Variants in PCNX4 observed in about 807,000 individuals in gnomAD.
PCNX4 encodes pecanex 4.
In PCNX4, 103 loss-of-function variants were observed where a neutral mutation model predicts 107.2. The ratio of observed to expected loss-of-function variants is 0.96; its 90% confidence interval spans 0.82 to 1.13. PCNX4 has a LOEUF of 1.13. PCNX4 is among the 50% of genes most tolerant of loss of function. The pLI, the probability that PCNX4 is intolerant of heterozygous loss-of-function variation, is 0.00. For missense variants in PCNX4, 1,528 were observed against 1,379.4 expected (o/e 1.11, Z -1.71); for synonymous variants, 541 against 481.7 (o/e 1.12, Z -1.61).
Position 60,125,225 on chromosome 14 carries a change from G to A in PCNX4, c.3054G>A (p.Leu1018=). 3 of 1,586,608 alleles carry A rather than the reference G, an allele frequency of 1.9e-6. No homozygotes were observed. The highest frequency in any genetic ancestry group is 1.7e-6 in the Non-Finnish European group (2 of 1,168,868). Residue 1018 remains leucine (L), a synonymous_variant, in exon 9 of 11, where the codon CTG becomes CTA. Transcript: ENST00000406854. ...ALDWLTEKPE[L]FQLALKAFRY... ...ACTGGCTCACAGAAAAGCCAGAACTGTTTCAACTAGCACTGAAAGCATTCA... is the reference window on the plus strand; with the variant it reads ...ACTGGCTCACAGAAAAGCCAGAACTATTTCAACTAGCACTGAAAGCATTCA...
At chr14:60,097,515 A>G (rs1301016534) in intron 1 of PCNX4, among the ~76,000 whole-genome samples, 1 of 152,222 alleles carries the variant, frequency 6.6e-6, no homozygotes, top group Non-Finnish European at 1.5e-5. Flanking sequence ...TATTATCCTC[A>G]TAGCAGGAAT....
At chr14:60,133,581 A>G in intron 10 of PCNX4, 2 of 441,662 alleles carry the variant, frequency 4.5e-6, no homozygotes, top group Non-Finnish European at 8.9e-6. Flanking sequence ...AATGTGAATT[A>G]TATGGAATGT....
Position 60,143,440 on chromosome 14 carries a change from A to G in PCNX4, c.*9219A>G, listed in dbSNP as rs1431054401. The G allele has an allele frequency of 3.3e-5, 5 of 152,166 alleles. No individual in the cohort carries two copies. The highest frequency in any genetic ancestry group is 7.3e-5 in the Non-Finnish European group (5 of 68,048). The allele number at this position is 152,166 out of a possible 1,614,324, so 9.4% of individuals were successfully genotyped here. On this transcript the variant is annotated 3_prime_UTR_variant, in exon 11 of 11. Coordinates refer to ENST00000406854, the MANE Select transcript of PCNX4 (RefSeq NM_001330177.2). ...TCTCTTTATTATATTTTATCCCCAT[A>G]GTTCACCCCGTTTCCTCCCCATCCT...
In PCNX4 at chr14:60,136,240, T is replaced by C. The variant is rs1177315612; in HGVS notation, c.*2019T>C. On this transcript the variant is annotated 3_prime_UTR_variant, in exon 11 of 11. Transcript: ENST00000406854. ...CTTTTGAACTTTCCTGACACTACAT[T>C]ATCTTTGTTTTCTTCTTATCTTCCT... 6.6e-6 allele frequency: 1 copy of C among 152,198 alleles called. No homozygotes were observed. The highest frequency in any genetic ancestry group is 1.9e-4 in the East Asian group (1 of 5,198). The allele number at this position is 152,198 out of a possible 1,614,324, so 9.4% of individuals were successfully genotyped here.
At chr14:60,118,223 A>G (rs1895886851) in intron 6 of PCNX4, 106 bp from the exon 7 acceptor site, 2 of 1,320,088 alleles carry the variant, frequency 1.5e-6, no homozygotes, top group South Asian at 4.4e-5. Flanking sequence ...TTCTTCAAAA[A>G]TACTGGGGCA....
intron 10 of PCNX4, chr14:60,126,063 A>C: frequency 3.4e-6 from 1 of 297,730 alleles, no homozygotes; most frequent in East Asian, 6.1e-5. Flanking sequence ...GCCATAGTGC[A>C]ATGCCTGACC....
At position 60,135,916 on chromosome 14, in the gene PCNX4, C is replaced by T. The variant is rs1896233974; in HGVS notation, c.*1695C>T. On this transcript the variant is annotated 3_prime_UTR_variant, in exon 11 of 11. Coordinates refer to ENST00000406854, the MANE Select transcript of PCNX4 (RefSeq NM_001330177.2). ...GATATTATTTATTGGACTACTGTCCCCCAAATAATGTGAATTTTAAGTTGT... is the reference window on the plus strand; with the variant it reads ...GATATTATTTATTGGACTACTGTCCTCCAAATAATGTGAATTTTAAGTTGT... 2 of 152,068 alleles carry T rather than the reference C, an allele frequency of 1.3e-5. No homozygotes were observed. The highest frequency in any genetic ancestry group is 2.9e-5 in the Non-Finnish European group (2 of 68,022). The allele number at this position is 152,068 out of a possible 1,614,324, so 9.4% of individuals were successfully genotyped here. A position where few individuals can be genotyped will look rare whatever the true frequency, so the allele number is the denominator to read the frequency against.
intron 8 of PCNX4, among the ~76,000 whole-genome samples, chr14:60,121,676 T>C (rs1232883912): frequency 6.6e-6 from 1 of 152,136 alleles, no homozygotes; most frequent in Non-Finnish European, 1.5e-5. Flanking sequence ...ACCCTATTTG[T>C]CTCCTTCCTT....
At chr14:60,107,436 C>T (rs2140538137) in intron 1 of PCNX4, 150 bp from the exon 2 acceptor site, 2 of 549,488 alleles carry the variant, frequency 3.6e-6, no homozygotes, top group East Asian at 5.9e-5. Context: ...AACTTAGTGT[C>T]AAGTATGTGC....
rs1895658129 is a variant in PCNX4 at position 60,107,834 on chromosome 14, A to G, written c.196A>G (p.Ile66Val). ...GVGTLLYQLG[I>V]LKDYYTAALS... is the part of the protein sequence containing the mutation. The stretch of plus-strand genomic sequence containing the variant: ...CGGAACACTTTTATACCAGTTAGGC[A>G]TCCTGAAAGACTATTATACAGCAGC... The change falls in exon 2 of 11, where the codon ATC becomes GTC. Residue 66 changes from isoleucine (I) to valine (V), a missense_variant. Ile to Val is a conservative substitution (Grantham distance 29, BLOSUM62 3). Transcript: ENST00000406854. 1 of 1,612,774 alleles carries G rather than the reference A, an allele frequency of 6.2e-7. No individual in the cohort carries two copies.
chr14:60,114,369 T>C (rs1895798691), intron 2 of PCNX4, among the ~76,000 whole-genome samples: 1 of 152,258 alleles, frequency 6.6e-6, no homozygotes. Context: ...GCCTCAGTTG[T>C]TCAGTTTTAC....
At chr14:60,130,980 T>C (rs1896144397) in intron 10 of PCNX4, among the ~76,000 whole-genome samples, 1 of 151,944 alleles carries the variant, frequency 6.6e-6, no homozygotes, top group Non-Finnish European at 1.5e-5. Context: ...TGGAGCCCCA[T>C]GATGGGATTA....
At position 60,134,006 on chromosome 14, in the gene PCNX4, T is replaced by G. The variant is rs769347181; in HGVS notation, c.3304T>G (p.Leu1102Val). The G allele has an allele frequency of 6.2e-7, 1 of 1,613,538 alleles. No individual in the cohort carries two copies. Among genetic ancestry groups the G allele is most frequent in the Non-Finnish European group, 8.5e-7 (1 of 1,179,596 alleles). The part of the protein sequence containing the change: ...YTGRVLSLQE[L>V]LIQVGKLNPE... ...TGGGAGAGTGCTTAGCCTTCAAGAA[T>G]TATTGATCCAAGTGGGAAAGTTAAA... The change falls in exon 11 of 11, where the codon TTA (leucine) becomes GTA (valine). Residue 1102 changes from leucine (L) to valine (V), a missense_variant. Leu to Val is a conservative substitution (Grantham distance 32, BLOSUM62 1). Coordinates refer to ENST00000406854, the MANE Select transcript of PCNX4 (RefSeq NM_001330177.2).
Position 60,124,597 on chromosome 14 carries a change from A to T in PCNX4, c.2426A>T (p.Asp809Val). The T allele has an allele frequency of 6.2e-7, 1 of 1,613,838 alleles. No individual in the cohort carries two copies. Among genetic ancestry groups the T allele is most frequent in the Non-Finnish European group, 8.5e-7 (1 of 1,179,790 alleles). ...TTGCCACCTCCCAAATCCCCAGAAG[A>T]CATAGACAGTTTAAATTCAGAAACT... ...NTLPPPKSPEDIDSLNSETFN... is the reference protein window; with the variant it reads ...NTLPPPKSPEVIDSLNSETFN... Residue 809 changes from aspartate to valine, a missense_variant, in exon 9 of 11, where the codon GAC becomes GTC. Asp to Val is a radical substitution (Grantham distance 152, BLOSUM62 -3). Coordinates refer to ENST00000406854, the MANE Select transcript of PCNX4 (RefSeq NM_001330177.2).
intron 2 of PCNX4, among the ~76,000 whole-genome samples, chr14:60,112,765 T>C (rs1895762619): frequency 1.3e-5 from 2 of 152,258 alleles, no homozygotes; most frequent in Admixed American, 1.3e-4. Context: ...ATGTGTGGTT[T>C]GATTTTCTTG....
At chr14:60,109,511 G>C (rs961966212) in intron 2 of PCNX4, 2 of 164,928 alleles carry the variant, frequency 1.2e-5, no homozygotes, top group African/African-American at 4.8e-5. Flanking sequence ...CACAATCTTG[G>C]CCCACTGCAA....
Position 60,115,973 on chromosome 14 carries a change from G to C in PCNX4, c.1491G>C (p.Glu497Asp), listed in dbSNP as rs1378694170. 2 of 1,612,054 alleles carry C rather than the reference G, an allele frequency of 1.2e-6. No homozygotes were observed. The highest frequency in any genetic ancestry group is 1.7e-6 in the Non-Finnish European group (2 of 1,178,720). The change falls in exon 6 of 11, where the codon GAG becomes GAC. Residue 497 changes from glutamate to aspartate, a missense_variant. Physicochemically the swap from Glu to Asp is conservative, Grantham distance 45. Transcript: ENST00000406854. ...AGAATACAGAAAATGCTTTATTGGAGACAGTCATTGTATCAACAGTACACT... is the reference window on the plus strand; with the variant it reads ...AGAATACAGAAAATGCTTTATTGGACACAGTCATTGTATCAACAGTACACT... ...VWQNTENALL[E>D]TVIVSTVHLI...
rs1439899083 is a variant in PCNX4, at chr14:60,105,009, G to A, written c.-53-2577G>A. Among the ~76,000 whole-genome samples, 4 of 152,036 alleles carry A rather than the reference G, an allele frequency of 2.6e-5. No homozygotes were observed. In the East Asian group the frequency reaches 7.7e-4, roughly 29 times the overall value. ...TGAGACCAGAAGTGTTTTGGATTTG[G>A]GTTTTTTTTCCCCAGATTTTGGAAT... On this transcript the variant is annotated intron_variant, in intron 1 of 10. Coordinates refer to ENST00000406854, the MANE Select transcript of PCNX4 (RefSeq NM_001330177.2).
At position 60,108,253 on chromosome 14, in the gene PCNX4, G is replaced by T. The variant is rs565069408; in HGVS notation, c.615G>T (p.Gln205His). ...CAGAGACTGCGACTTTCCAAACACA[G>T]GATACTTATGAAATTATTCCTCTTA... ...TATETATFQT[Q>H]DTYEIIPLMR... Residue 205 changes from glutamine to histidine, a missense_variant, in exon 2 of 11, where the codon CAG (glutamine) becomes CAT (histidine). Physicochemically the swap from Gln to His is conservative, Grantham distance 24 (BLOSUM62 0). Transcript: ENST00000406854. 6.2e-7 allele frequency: 1 copy of T among 1,612,624 alleles called. No individual in the cohort carries two copies. The highest frequency in any genetic ancestry group is 8.5e-7 in the Non-Finnish European group (1 of 1,179,770).
Sources: gnomAD v4.1 joint callset for allele counts (sites outside exome capture counted in the v4.1 genomes callset) on GRCh38, gnomAD v4.1.1 for gene constraint, MANE v1.5 for transcripts, NCBI Gene and HGNC (gene_info 2026-07-23, HGNC 2026-07-21) for gene names.